The following CCDC146 variants were observed in gnomAD, a reference collection of about 807,000 sequenced individuals.
CCDC146 encodes the protein coiled-coil domain containing 146.
CCDC146 carries 92 observed loss-of-function variants against 119.3 expected under a neutral mutation model. The ratio of observed to expected loss-of-function variants is 0.77; its 90% CI spans 0.65 to 0.92. The LOEUF (loss-of-function observed/expected upper bound fraction) is 0.92. Among genes scored for constraint, CCDC146 ranks in the 40% least tolerant of loss-of-function variants. The pLI is 0.00. For missense variants in CCDC146, 1,000 were observed against 1,103.0 expected (o/e 0.91, Z 1.32); for synonymous variants, 372 against 371.8 (o/e 1.00, Z -0.01).
At chr7:77,213,279 A>C (rs1342632010) in intron 2 of CCDC146, among the ~76,000 whole-genome samples, 2 of 151,784 alleles carry the variant, frequency 1.3e-5, no homozygotes, top group Admixed American at 6.6e-5. Flanking sequence ...TTTTAGTAGA[A>C]TCAAGGTCTC....
In CCDC146 at chr7:77,252,432, A is replaced by G. The variant is rs188212953; in HGVS notation, c.450-2074A>G. On this transcript the variant is annotated intron_variant, in intron 4 of 18. Coordinates refer to ENST00000285871, the MANE Select transcript of CCDC146 (RefSeq NM_020879.3). ...AAGAAAAAATCTTGAAAGAAGCAAG[A>G]AACGGGCTTCAAGAATGACGCTCAT... 2.0e-3 allele frequency among the ~76,000 whole-genome samples: 298 copies of G among 152,342 alleles called. 1 individual carries two copies. The highest frequency in any genetic ancestry group is 6.9e-3 in the African/African-American group (288 of 41,588).
At chr7:77,172,904 G>C (rs1338130483) in intron 2 of CCDC146, among the ~76,000 whole-genome samples, 1 of 152,096 alleles carries the variant, frequency 6.6e-6, no homozygotes, top group Non-Finnish European at 1.5e-5. Context: ...TGAGATCCTG[G>C]CTCAAATCTC....
At chr7:77,149,292 T>C (rs1274047595) in intron 1 of CCDC146, among the ~76,000 whole-genome samples, 2 of 152,222 alleles carry the variant, frequency 1.3e-5, no homozygotes, top group Non-Finnish European at 2.9e-5. Flanking sequence ...AAACTGAAAC[T>C]GGATCCCTTC....
At chr7:77,191,653 A>G (rs1005386256) in intron 2 of CCDC146, among the ~76,000 whole-genome samples, 3 of 152,118 alleles carry the variant, frequency 2.0e-5, no homozygotes, top group East Asian at 1.9e-4. Flanking sequence ...TCACGCCTGT[A>G]ATCCCAGCAC....
chr7:77,259,939 AGTGTGTGTGTGTGTGTGTGTGTGTGTGT>A (rs58669153), intron 7 of CCDC146, 42 bp from the exon 8 acceptor site: 58,511 of 756,440 alleles, frequency 0.077, 2,637 homozygotes, highest in East Asian at 0.34. Context: ...AAATAAGGCA[AGTGTGTGTGTGTGTGTGTGTGTGTGTGT>A]GTGTGTGTGT....
chr7:77,153,126 AAAG>A (rs1349066087), intron 1 of CCDC146, among the ~76,000 whole-genome samples: 1 of 152,166 alleles, frequency 6.6e-6, no homozygotes, highest in East Asian at 1.9e-4. Flanking sequence ...GTCTTAGATA[AAAG>A]AAGGAGCAAG....
intron 4 of CCDC146, among the ~76,000 whole-genome samples, chr7:77,242,949 A>C (rs865901481): frequency 6.6e-6 from 1 of 152,000 alleles, no homozygotes; most frequent in Admixed American, 6.6e-5. Context: ...TTCAGGGGGG[A>C]AAATTGGAGG....
At chr7:77,241,100 C>T (rs1792838706) in intron 3 of CCDC146, among the ~76,000 whole-genome samples, 1 of 103,014 alleles carries the variant, frequency 9.7e-6, no homozygotes, top group African/African-American at 3.9e-5. Flanking sequence ...CTCTGTCGCC[C>T]AGGCGGGAGT....
At chr7:77,203,041 C>A (rs12055944) in intron 2 of CCDC146, among the ~76,000 whole-genome samples, 9,595 of 144,098 alleles carry the variant, frequency 0.067, 598 homozygotes, top group Non-Finnish European at 0.091. Flanking sequence ...GCCCCCCCCC[C>A]CCCCAGGACT....
At chr7:77,289,390 A>G (rs1191156148) in intron 17 of CCDC146, among the ~76,000 whole-genome samples, 1 of 151,862 alleles carries the variant, frequency 6.6e-6, no homozygotes, top group African/African-American at 2.4e-5. Flanking sequence ...TCCTTTCCCT[A>G]CCTTCCATGC....
At chr7:77,220,886 A>G (rs1251287273) in intron 2 of CCDC146, among the ~76,000 whole-genome samples, 1 of 152,180 alleles carries the variant, frequency 6.6e-6, no homozygotes, top group East Asian at 1.9e-4. Context: ...CTGTAAGGAA[A>G]TACCTGAGAC....
chr7:77,231,194 A>G (rs1423036928), intron 2 of CCDC146, among the ~76,000 whole-genome samples: 1 of 152,196 alleles, frequency 6.6e-6, no homozygotes, highest in Non-Finnish European at 1.5e-5. Context: ...CCACTGTTGC[A>G]GGATTGCTGT....
At chr7:77,132,545 G>A (rs1206907013) in intron 1 of CCDC146, among the ~76,000 whole-genome samples, 1 of 88,208 alleles carries the variant, frequency 1.1e-5, no homozygotes, top group Non-Finnish European at 2.0e-5. Context: ...AGTGAGTCTC[G>A]ATCTCTACAA....
intron 4 of CCDC146, among the ~76,000 whole-genome samples, chr7:77,248,674 G>C (rs1793000229): frequency 6.6e-6 from 1 of 152,132 alleles, no homozygotes; most frequent in African/African-American, 2.4e-5. Flanking sequence ...TATTTCTCTA[G>C]ATTTCTTCAG....
chr7:77,202,725 T>C (rs1792015209), intron 2 of CCDC146, among the ~76,000 whole-genome samples: 1 of 152,206 alleles, frequency 6.6e-6, no homozygotes, highest in African/African-American at 2.4e-5. Flanking sequence ...GCAGAGAGTG[T>C]TGTACCGCCT....
intron 1 of CCDC146, among the ~76,000 whole-genome samples, chr7:77,125,949 C>A (rs151267289): frequency 0.014 from 2,080 of 151,976 alleles, no homozygotes; most frequent in African/African-American, 0.047. Context: ...CTTCCTTTCT[C>A]ATCTGTATGG....
At chr7:77,278,424 G>A (rs1461628252) in intron 11 of CCDC146, among the ~76,000 whole-genome samples, 1 of 147,410 alleles carries the variant, frequency 6.8e-6, no homozygotes, top group Non-Finnish European at 1.5e-5. Context: ...AACCCAGCAA[G>A]CCAAGAAATA....
In CCDC146 at chr7:77,201,368, C is replaced by T. The variant is rs1443278808; in HGVS notation, c.156+33544C>T. Among the ~76,000 whole-genome samples the T allele has an allele frequency of 3.4e-5, 5 of 146,600 alleles. No individual in the cohort carries two copies. The Admixed American group carries it at 3.5e-4, about 10-fold the overall frequency. On this transcript the variant is annotated intron_variant, in intron 2 of 18. Coordinates refer to ENST00000285871, the MANE Select transcript of CCDC146 (RefSeq NM_020879.3). Reference sequence around the variant, plus strand: ...ACCAACCTGGCCAACATGGTGAAACCCCATCTCTACTAAAAATACAAAAAA... The same window carrying T: ...ACCAACCTGGCCAACATGGTGAAACTCCATCTCTACTAAAAATACAAAAAA...
At chr7:77,263,888 C>G (rs1036187529) in intron 9 of CCDC146, among the ~76,000 whole-genome samples, 14 of 152,178 alleles carry the variant, frequency 9.2e-5, no homozygotes, top group African/African-American at 3.4e-4. Flanking sequence ...TGTGCCACTG[C>G]ACTCCAGCCT....
Sources: allele counts gnomAD v4.1 joint callset (sites outside exome capture counted in the v4.1 genomes callset), GRCh38; gene constraint gnomAD v4.1.1; transcripts MANE v1.5; gene names NCBI Gene and HGNC (gene_info 2026-07-23, HGNC 2026-07-21).